The following MMP16 variants were observed in gnomAD, a reference collection of about 807,000 sequenced individuals.
The protein encoded by MMP16 is matrix metallopeptidase 16.
A neutral mutation model predicts 67.8 loss-of-function variants in MMP16; 12 were observed. The ratio of observed to expected loss-of-function variants is 0.18; its 90% CI spans 0.11 to 0.29. The LOEUF (loss-of-function observed/expected upper bound fraction) is 0.29. Ranked by LOEUF, MMP16 falls within the 10% of genes least tolerant of loss-of-function variation. MMP16 has a pLI of 1.00. For synonymous variants in MMP16, 249 were observed against 255.9 expected, an observed-to-expected ratio of 0.97 and a Z score of 0.26; for missense variants, 475 against 765.7, an observed-to-expected ratio of 0.62 and a Z score of 4.48.
At chr8:88,214,207 G>T (rs1809553638) in intron 1 of MMP16, among the ~76,000 whole-genome samples, 1 of 152,074 alleles carries the variant, frequency 6.6e-6, no homozygotes, top group Non-Finnish European at 1.5e-5. Flanking sequence ...GTCTCCATGG[G>T]CCTCTCACAT....
chr8:88,293,037 T>TCAACAGGCAATGAA (rs1300319515), intron 1 of MMP16, among the ~76,000 whole-genome samples: 2 of 152,118 alleles, frequency 1.3e-5, no homozygotes, highest in African/African-American at 4.8e-5. Context: ...GCTCTAGAGT[T>TCAACAGGCAATGAA]CAACAGGCAA....
intron 3 of MMP16, among the ~76,000 whole-genome samples, chr8:88,172,127 A>AT (rs1162958301): frequency 1.3e-5 from 2 of 152,138 alleles, no homozygotes; most frequent in African/African-American, 4.8e-5. Flanking sequence ...CATATGATGC[A>AT]TTTTTAATTG....
At chr8:88,061,310 A>G (rs932346337) in intron 7 of MMP16, among the ~76,000 whole-genome samples, 3 of 152,074 alleles carry the variant, frequency 2.0e-5, no homozygotes, top group Non-Finnish European at 2.9e-5. Context: ...CAATAGAAGA[A>G]AGAGAAAGAA....
At chr8:88,292,378 C>G (rs1489254438) in intron 1 of MMP16, among the ~76,000 whole-genome samples, 1 of 152,178 alleles carries the variant, frequency 6.6e-6, no homozygotes, top group Non-Finnish European at 1.5e-5. Flanking sequence ...CATTCAACTT[C>G]AGAGAGTTCA....
At chr8:88,306,880 T>C (rs75529309) in intron 1 of MMP16, among the ~76,000 whole-genome samples, 15,451 of 152,178 alleles carry the variant, frequency 0.1, 944 homozygotes, top group South Asian at 0.17. Flanking sequence ...AAGACATGGA[T>C]ACCCTCTTAC....
At chr8:88,205,981 G>A (rs10504847) in intron 1 of MMP16, among the ~76,000 whole-genome samples, 10,484 of 151,534 alleles carry the variant, frequency 0.069, 401 homozygotes, top group African/African-American at 0.099. Flanking sequence ...ATTTTATCTC[G>A]AATGGAAATA....
chr8:88,048,722 A>G lies in MMP16; in HGVS notation c.1374-1938T>C, dbSNP rs192172686. Among the ~76,000 whole-genome samples the G allele has an allele frequency of 3.1e-3, 474 of 152,282 alleles. 2 individuals carry two copies. Among genetic ancestry groups the G allele is most frequent in the Non-Finnish European group, 4.9e-3 (336 of 68,020 alleles). On this transcript the variant is annotated intron_variant, in intron 8 of 9. Coordinates refer to ENST00000286614, the MANE Select transcript of MMP16 (RefSeq NM_005941.5). ...ATACGTTTCCCAATTTTATTTGACAATGCTTTTCCCCCCACTAAACATCTA... is the reference window on the plus strand; with the variant it reads ...ATACGTTTCCCAATTTTATTTGACAGTGCTTTTCCCCCCACTAAACATCTA...
intron 1 of MMP16, among the ~76,000 whole-genome samples, chr8:88,224,152 G>A (rs906214913): frequency 1.3e-5 from 2 of 151,998 alleles, no homozygotes; most frequent in African/African-American, 2.4e-5. Flanking sequence ...AATTTAAAAC[G>A]CCACTGTTGG....
chr8:88,324,085 CAAT>C (rs200911896), intron 1 of MMP16, among the ~76,000 whole-genome samples: 1,620 of 152,150 alleles, frequency 0.011, 19 homozygotes, highest in Non-Finnish European at 0.015. Context: ...GAAAACTTAA[CAAT>C]AAAAGTGTTC....
rs398008661 is a variant in MMP16 at position 88,265,223 on chromosome 8, C to CTTT, written c.132+61849_132+61851dup. Among the ~76,000 whole-genome samples the CTTT allele has an allele frequency of 5.8e-4, 58 of 100,742 alleles. 2 individuals carry two copies. The highest frequency in any genetic ancestry group is 8.2e-4 in the East Asian group (3 of 3,678). 66.1% of individuals were successfully genotyped at this position (100,742 alleles called of 152,430 possible). A position where few individuals can be genotyped will look rare whatever the true frequency, so the allele number is the denominator to read the frequency against. Reference sequence around the variant, plus strand: ...AACTAAGGGTAGAAATGACCATTTCCTTTTTTTTTTTTTTTTTTTTCAGAT... The same window carrying CTTT: ...AACTAAGGGTAGAAATGACCATTTCCTTTTTTTTTTTTTTTTTTTTTTTCAGAT... On this transcript the variant is annotated intron_variant, in intron 1 of 9. Transcript: ENST00000286614.
chr8:88,107,378 T>C (rs1283682571), intron 6 of MMP16, among the ~76,000 whole-genome samples: 2 of 151,134 alleles, frequency 1.3e-5, no homozygotes, highest in African/African-American at 2.4e-5. Context: ...TTTTAATTTT[T>C]AGAATAATCA....
At chr8:88,063,689 C>T (rs1456277599) in intron 7 of MMP16, among the ~76,000 whole-genome samples, 2 of 151,912 alleles carry the variant, frequency 1.3e-5, no homozygotes, top group African/African-American at 4.8e-5. Flanking sequence ...AAAGCCACAC[C>T]GCCAGGTGCT....
chr8:88,326,560 AG>A (rs1277469624), intron 1 of MMP16, among the ~76,000 whole-genome samples: 1 of 151,936 alleles, frequency 6.6e-6, no homozygotes, highest in Non-Finnish European at 1.5e-5. Flanking sequence ...AAAAAAAAAA[AG>A]ATTCTCAAGT....
intron 9 of MMP16, 34 bp downstream of exon 9, chr8:88,046,635 A>G (rs373547136): frequency 1.4e-6 from 2 of 1,397,544 alleles, no homozygotes; most frequent in Middle Eastern, 1.8e-4. Context: ...TAAGATAGCA[A>G]ACTTATGAAA....
At chr8:88,113,258 G>C (rs1809371349) in intron 6 of MMP16, among the ~76,000 whole-genome samples, 1 of 151,700 alleles carries the variant, frequency 6.6e-6, no homozygotes, top group Non-Finnish European at 1.5e-5. Context: ...AAAATCACTA[G>C]AGAGAATCAA....
intron 6 of MMP16, among the ~76,000 whole-genome samples, chr8:88,114,659 TAGA>T (rs1430617850): frequency 1.3e-5 from 2 of 151,960 alleles, no homozygotes; most frequent in African/African-American, 4.8e-5. Flanking sequence ...AAATGCCTAT[TAGA>T]AGATGTTATC....
At chr8:88,052,954 TTTA>T (rs1412455096) in intron 8 of MMP16, among the ~76,000 whole-genome samples, 1 of 152,140 alleles carries the variant, frequency 6.6e-6, no homozygotes, top group African/African-American at 2.4e-5. Context: ...TTGTTTACTG[TTTA>T]TTATTTGTCT....
chr8:88,250,599 C>T (rs1810194786), intron 1 of MMP16, among the ~76,000 whole-genome samples: 2 of 151,814 alleles, frequency 1.3e-5, no homozygotes, highest in Non-Finnish European at 2.9e-5. Flanking sequence ...AATATCTATC[C>T]TATACAAACT....
At chr8:88,161,624 G>C (rs1808625437) in intron 4 of MMP16, among the ~76,000 whole-genome samples, 2 of 151,936 alleles carry the variant, frequency 1.3e-5, no homozygotes, top group African/African-American at 4.8e-5. Context: ...TGCTTCTCTA[G>C]TTCTTTTAAT....
Sources: allele counts gnomAD v4.1 joint callset (sites outside exome capture counted in the v4.1 genomes callset), GRCh38; gene constraint gnomAD v4.1.1; transcripts MANE v1.5; gene names NCBI Gene and HGNC (gene_info 2026-07-23, HGNC 2026-07-21).